The following RTN4RL1 variants were observed in gnomAD, a reference collection of about 807,000 sequenced individuals.
The protein encoded by RTN4RL1 is reticulon-4 receptor-like 1.
A neutral mutation model predicts 25.6 loss-of-function variants in RTN4RL1; 7 were observed. That is an observed-to-expected ratio of 0.27 (90% confidence interval 0.16 to 0.51). RTN4RL1 has a LOEUF of 0.51. Ranked by LOEUF, RTN4RL1 falls within the 20% of genes least tolerant of loss-of-function variation. The pLI is 0.97. For synonymous variants in RTN4RL1, 297 were observed against 288.2 expected, an observed-to-expected ratio of 1.03 and a Z score of -0.31; for missense variants, 500 against 615.6, an observed-to-expected ratio of 0.81 and a Z score of 1.99.
At chr17:1,997,965 G>A (rs981825130) in intron 1 of RTN4RL1, among the ~76,000 whole-genome samples, 1 of 152,198 alleles carries the variant, frequency 6.6e-6, no homozygotes, top group Non-Finnish European at 1.5e-5. Context: ...GGTGCCTTCG[G>A]TTGGGCTCCT....
intron 1 of RTN4RL1, among the ~76,000 whole-genome samples, chr17:2,014,746 C>T (rs1460158004): frequency 6.6e-6 from 1 of 151,742 alleles, no homozygotes; most frequent in Non-Finnish European, 1.5e-5. Context: ...GCAGGAGAAT[C>T]GCTTGAATCT....
At chr17:1,955,568 A>G (rs893834732) in intron 1 of RTN4RL1, among the ~76,000 whole-genome samples, 6 of 149,334 alleles carry the variant, frequency 4.0e-5, no homozygotes. Context: ...AATAATAATA[A>G]TAATAGTTAT....
At chr17:1,992,539 A>C (rs1368252464) in intron 1 of RTN4RL1, among the ~76,000 whole-genome samples, 1 of 152,182 alleles carries the variant, frequency 6.6e-6, no homozygotes, top group East Asian at 1.9e-4. Context: ...GCACGCAGTG[A>C]CTGCTCCATC....
At chr17:2,017,033 C>T (rs2067132888) in intron 1 of RTN4RL1, among the ~76,000 whole-genome samples, 1 of 152,250 alleles carries the variant, frequency 6.6e-6, no homozygotes, top group Non-Finnish European at 1.5e-5. Context: ...TCACCTTAGC[C>T]TCCATATCCC....
chr17:1,991,256 C>T (rs8071982), intron 1 of RTN4RL1, among the ~76,000 whole-genome samples: 75,076 of 151,448 alleles, frequency 0.5, 18,967 homozygotes, highest in Middle Eastern at 0.54. Flanking sequence ...ATGGATGCCC[C>T]GGGGAAGGGT....
At chr17:2,011,483 A>G (rs12450430) in intron 1 of RTN4RL1, among the ~76,000 whole-genome samples, 46,757 of 151,710 alleles carry the variant, frequency 0.31, 7,585 homozygotes, top group East Asian at 0.55. Context: ...GGAGGGGAAG[A>G]TGAAAGGCCG....
rs963804348 is a variant in RTN4RL1, at chr17:1,934,931, C to T, written c.*1565G>A. The T allele has an allele frequency of 7.2e-5, 11 of 152,454 alleles. No individual in the cohort carries two copies. The highest frequency in any genetic ancestry group is 2.4e-4 in the African/African-American group (10 of 41,456). 9.4% of individuals were successfully genotyped at this position (152,454 alleles called of 1,614,324 possible). ...CGGCCTCCCGAGCCTCTGCCTGCAC[C>T]CTGAGCATCCCCAGGACGGCTGGGA... On this transcript the variant is annotated 3_prime_UTR_variant, in exon 2 of 2. Transcript: ENST00000331238. This position sits in a 1 kb window ranked among gnomAD's most constrained non-coding sequence, Gnocchi z 4.0.
rs2066766119 is a variant in RTN4RL1 at position 1,961,992 on chromosome 17, G to GA, written c.14-24185dup. On this transcript the variant is annotated intron_variant, in intron 1 of 1. Coordinates refer to ENST00000331238, the MANE Select transcript of RTN4RL1 (RefSeq NM_178568.4). The stretch of plus-strand genomic sequence containing the variant: ...AAAGAAAGAAAAGAAAGAAAGAAAA[G>GA]AAAAGCAGGCCGGGCGTGGTGGCTC... Among the ~76,000 whole-genome samples, 3 of 146,886 alleles carry GA rather than the reference G, an allele frequency of 2.0e-5. No individual in the cohort carries two copies. In the East Asian group the frequency reaches 6.1e-4, roughly 30 times the overall value.
chr17:1,950,441 C>T (rs551814890), intron 1 of RTN4RL1, among the ~76,000 whole-genome samples: 37 of 152,254 alleles, frequency 2.4e-4, no homozygotes, highest in African/African-American at 7.2e-4. Flanking sequence ...GGATGCATAA[C>T]GTCCGAGAAG....
At chr17:1,946,356 C>T (rs1422946921) in intron 1 of RTN4RL1, among the ~76,000 whole-genome samples, 2 of 152,224 alleles carry the variant, frequency 1.3e-5, no homozygotes, top group South Asian at 2.1e-4. Context: ...CCATGCGTCC[C>T]GCTCAGTCCC....
chr17:2,013,296 TAGAA>T (rs2067072951), intron 1 of RTN4RL1, among the ~76,000 whole-genome samples: 1 of 152,162 alleles, frequency 6.6e-6, no homozygotes, highest in Admixed American at 6.5e-5. Flanking sequence ...AACTCACAGG[TAGAA>T]AGAGCTGCCA....
intron 1 of RTN4RL1, among the ~76,000 whole-genome samples, chr17:1,995,899 G>A (rs1190041081): frequency 3.3e-5 from 5 of 152,348 alleles, no homozygotes; most frequent in African/African-American, 4.8e-5. Flanking sequence ...CAGAGCCAGC[G>A]TCTCCCCTGT....
chr17:2,001,349 T>C (rs2066956483), intron 1 of RTN4RL1: 1 of 152,272 alleles, frequency 6.6e-6, no homozygotes, highest in Admixed American at 6.5e-5. Flanking sequence ...GTTCACACCA[T>C]TCTCCTGCCT....
chr17:1,982,350 C>T (rs974614213), intron 1 of RTN4RL1, among the ~76,000 whole-genome samples: 1 of 151,824 alleles, frequency 6.6e-6, no homozygotes, highest in Non-Finnish European at 1.5e-5. Flanking sequence ...AGGTGCCTCG[C>T]GCCTGTAATC....
chr17:1,984,189 C>T (rs542641410), intron 1 of RTN4RL1, among the ~76,000 whole-genome samples: 11 of 152,220 alleles, frequency 7.2e-5, no homozygotes, highest in Non-Finnish European at 1.3e-4. Flanking sequence ...TATTCTCCCC[C>T]CTAAAATGCA....
chr17:1,959,048 G>C (rs1003354778), intron 1 of RTN4RL1, among the ~76,000 whole-genome samples: 11 of 152,204 alleles, frequency 7.2e-5, no homozygotes, highest in African/African-American at 2.7e-4. Flanking sequence ...CGGTGGGCGA[G>C]CGGGAATCCT....
At chr17:2,003,144 C>A (rs1267458552) in intron 1 of RTN4RL1, 5 of 152,308 alleles carry the variant, frequency 3.3e-5, no homozygotes. Context: ...ACACCCTTAT[C>A]CTCCCAGGGA....
intron 1 of RTN4RL1, chr17:2,003,348 G>A (rs1403582527): frequency 7.0e-6 from 1 of 142,458 alleles, no homozygotes; most frequent in African/African-American, 2.6e-5. Context: ...AGAAAGGCCA[G>A]GGAGGCAAGC....
chr17:1,996,880 G>A (rs1212363932), intron 1 of RTN4RL1, among the ~76,000 whole-genome samples: 1 of 152,200 alleles, frequency 6.6e-6, no homozygotes, highest in Non-Finnish European at 1.5e-5. Context: ...GGGACTCTGT[G>A]CACAAAGAAC....
Sources: gnomAD v4.1 joint callset for allele counts (sites outside exome capture counted in the v4.1 genomes callset) on GRCh38, gnomAD v4.1.1 for gene constraint, Gnocchi (gnomAD v3.1) non-coding constraint, MANE v1.5 for transcripts, NCBI Gene and HGNC (gene_info 2026-07-23, HGNC 2026-07-21) for gene names.